The following NR3C2 variants were observed in gnomAD, a reference collection of about 807,000 sequenced individuals.
NR3C2 encodes nuclear receptor subfamily 3 group C member 2.
Under a neutral mutation model 86.4 loss-of-function variants are expected in NR3C2, and 15 were observed. The observed-to-expected ratio is 0.17, with a 90% CI of 0.12 to 0.27. NR3C2 has a LOEUF of 0.27. NR3C2 is among the 10% of genes least tolerant of loss of function. The pLI is 1.00. For missense variants in NR3C2, 960 were observed against 1,195.6 expected (o/e 0.80, Z 2.91); for synonymous variants, 458 against 450.5 (o/e 1.02, Z -0.21).
intron 2 of NR3C2, among the ~76,000 whole-genome samples, chr4:148,304,642 C>A (rs1742516284): frequency 6.6e-6 from 1 of 152,020 alleles, no homozygotes; most frequent in Non-Finnish European, 1.5e-5. Flanking sequence ...TCTTCCTTAT[C>A]CTTATTCTAA....
At chr4:148,349,031 TAACTC>T (rs1745140094) in intron 2 of NR3C2, among the ~76,000 whole-genome samples, 1 of 152,128 alleles carries the variant, frequency 6.6e-6, no homozygotes, top group African/African-American at 2.4e-5. Flanking sequence ...AAGAGTAAAA[TAACTC>T]AAGAAAGAAA....
chr4:148,160,704 T>A (rs1457696412), intron 4 of NR3C2, among the ~76,000 whole-genome samples: 3 of 152,184 alleles, frequency 2.0e-5, no homozygotes, highest in Non-Finnish European at 2.9e-5. Context: ...ATATTGAGGT[T>A]ATATTAAAAT....
intron 3 of NR3C2, among the ~76,000 whole-genome samples, chr4:148,221,372 C>G (rs532911935): frequency 6.6e-6 from 1 of 152,272 alleles, no homozygotes; most frequent in African/African-American, 2.4e-5. Context: ...CTGTACTTCA[C>G]TGTCAGAGAG....
intron 6 of NR3C2, among the ~76,000 whole-genome samples, chr4:148,129,891 C>A (rs774689534): frequency 3.9e-5 from 6 of 152,218 alleles, no homozygotes; most frequent in Non-Finnish European, 8.8e-5. Flanking sequence ...AGCCACCGCA[C>A]CCAGCCTATA....
At chr4:148,163,387 T>A (rs1448570519) in intron 4 of NR3C2, among the ~76,000 whole-genome samples, 1 of 152,192 alleles carries the variant, frequency 6.6e-6, no homozygotes, top group African/African-American at 2.4e-5. Flanking sequence ...CTGAAAGAAA[T>A]CTCTCTGGCT....
At chr4:148,297,033 T>C (rs952347078) in intron 2 of NR3C2, among the ~76,000 whole-genome samples, 1 of 152,218 alleles carries the variant, frequency 6.6e-6, no homozygotes, top group Non-Finnish European at 1.5e-5. Flanking sequence ...CTAGCTACAT[T>C]TCAAGTGCTC....
intron 2 of NR3C2, among the ~76,000 whole-genome samples, chr4:148,304,306 A>G (rs1003401533): frequency 2.3e-4 from 35 of 150,604 alleles, no homozygotes; most frequent in African/African-American, 7.8e-4. Context: ...ACATGCTGGC[A>G]AAAGGGTAAA....
chr4:148,251,917 C>T (rs72655226), intron 3 of NR3C2, among the ~76,000 whole-genome samples: 84 of 152,178 alleles, frequency 5.5e-4, no homozygotes, highest in Non-Finnish European at 9.4e-4. Context: ...AGTTGTTGCC[C>T]TACTTTTTGA....
chr4:148,307,178 A>T (rs1055540945), intron 2 of NR3C2, among the ~76,000 whole-genome samples: 10 of 152,178 alleles, frequency 6.6e-5, no homozygotes, highest in African/African-American at 2.4e-4. Flanking sequence ...TGCAAAAAAA[A>T]AACTTGGCAA....
intron 4 of NR3C2, among the ~76,000 whole-genome samples, chr4:148,193,718 G>C (rs989273283): frequency 6.6e-6 from 1 of 152,278 alleles, no homozygotes; most frequent in African/African-American, 2.4e-5. Context: ...CATAGATAGT[G>C]GGATTTGGAA....
chr4:148,206,573 C>A (rs967668211), intron 3 of NR3C2, among the ~76,000 whole-genome samples: 2 of 152,148 alleles, frequency 1.3e-5, no homozygotes, highest in African/African-American at 4.8e-5. Flanking sequence ...AACCAAAATT[C>A]TTATGCTTAT....
chr4:148,181,282 G>A (rs1392552342), intron 4 of NR3C2, among the ~76,000 whole-genome samples: 2 of 152,154 alleles, frequency 1.3e-5, no homozygotes, highest in African/African-American at 4.8e-5. Flanking sequence ...AAGTCCTATC[G>A]AAATGTGAAG....
intron 2 of NR3C2, among the ~76,000 whole-genome samples, chr4:148,332,282 T>C (rs1579169832): frequency 6.6e-6 from 1 of 152,174 alleles, no homozygotes; most frequent in Non-Finnish European, 1.5e-5. Context: ...ACTACATCAC[T>C]TTTTTGCCTG....
intron 2 of NR3C2, among the ~76,000 whole-genome samples, chr4:148,366,483 G>GTA: frequency 1.5e-4 from 1 of 6,688 alleles, no homozygotes; most frequent in Non-Finnish European, 3.3e-4. Context: ...AAAGTACTCA[G>GTA]CACTTTTAAA....
chr4:148,399,782 G>A (rs961322186), intron 2 of NR3C2, among the ~76,000 whole-genome samples: 1 of 151,868 alleles, frequency 6.6e-6, no homozygotes, highest in Non-Finnish European at 1.5e-5. Context: ...TTTTATTCCT[G>A]ATTAATAATC....
At chr4:148,092,089 C>G (rs944854610) in intron 8 of NR3C2, among the ~76,000 whole-genome samples, 1 of 152,228 alleles carries the variant, frequency 6.6e-6, no homozygotes, top group African/African-American at 2.4e-5. Flanking sequence ...TCCTCAGACA[C>G]TCACTTGGCA....
intron 2 of NR3C2, among the ~76,000 whole-genome samples, chr4:148,375,485 A>G (rs1472177172): frequency 6.6e-6 from 1 of 151,928 alleles, no homozygotes; most frequent in African/African-American, 2.4e-5. Flanking sequence ...AACCCTGCAA[A>G]ATTTAAAGTA....
In NR3C2 at chr4:148,079,699, T is replaced by TTA. The variant is rs1161264467; in HGVS notation, c.*1643_*1644dup. Reference sequence around the variant, plus strand: ...CAAACAGATTAATGAATTAAACATTTTAGTGCCACTGTCTTGCTTATATGA... The same window carrying TTA: ...CAAACAGATTAATGAATTAAACATTTTATAGTGCCACTGTCTTGCTTATATGA... On this transcript the variant is annotated 3_prime_UTR_variant, in exon 9 of 9. Coordinates refer to ENST00000358102, the MANE Select transcript of NR3C2 (RefSeq NM_000901.5). The TTA allele has an allele frequency of 6.6e-6, 1 of 152,650 alleles. No homozygotes were observed. The highest frequency in any genetic ancestry group is 1.5e-5 in the Non-Finnish European group (1 of 68,044). The allele number at this position is 152,650 out of a possible 1,614,324, so 9.5% of individuals were successfully genotyped here. A position where few individuals can be genotyped will look rare whatever the true frequency, so the allele number is the denominator to read the frequency against.
At chr4:148,090,646 A>G (rs535764703) in intron 8 of NR3C2, among the ~76,000 whole-genome samples, 1 of 152,240 alleles carries the variant, frequency 6.6e-6, no homozygotes, top group South Asian at 2.1e-4. Context: ...ATTGAGCATC[A>G]CCCAGGAGAT....
Sources: gnomAD v4.1 joint callset for allele counts (sites outside exome capture counted in the v4.1 genomes callset) on GRCh38, gnomAD v4.1.1 for gene constraint, MANE v1.5 for transcripts, NCBI Gene and HGNC (gene_info 2026-07-23, HGNC 2026-07-21) for gene names.